Variants in PRICKLE2 observed in about 807,000 individuals in gnomAD.
PRICKLE2 encodes the protein prickle planar cell polarity protein 2, also known as prickle-like protein 2.
In PRICKLE2, 21 loss-of-function variants were observed where a neutral mutation model predicts 81.4. That is an observed-to-expected ratio of 0.26 (90% confidence interval 0.18 to 0.37). The LOEUF (loss-of-function observed/expected upper bound fraction) is 0.37, where lower values mean the gene tolerates loss of function less well. PRICKLE2 is among the 10% of genes least tolerant of loss of function. PRICKLE2 has a pLI of 1.00. For synonymous variants in PRICKLE2, 456 were observed against 421.5 expected (o/e 1.08, Z -1.00); for missense variants, 940 against 1,109.0 (o/e 0.85, Z 2.16).
intron 7 of PRICKLE2, among the ~76,000 whole-genome samples, chr3:64,124,730 T>C (rs1474344717): frequency 6.6e-6 from 1 of 152,224 alleles, no homozygotes; most frequent in Non-Finnish European, 1.5e-5. Flanking sequence ...AAGCCCACTG[T>C]TGAGACCTAC....
chr3:64,217,865 A>G (rs538559301), intron 1 of PRICKLE2, among the ~76,000 whole-genome samples: 1 of 152,340 alleles, frequency 6.6e-6, no homozygotes, highest in African/African-American at 2.4e-5. Context: ...TAAAGTCCAA[A>G]CAGCCTGGTG....
intron 7 of PRICKLE2, among the ~76,000 whole-genome samples, chr3:64,134,571 C>G (rs1289670231): frequency 6.7e-6 from 1 of 148,304 alleles, no homozygotes; most frequent in African/African-American, 2.5e-5. Flanking sequence ...TACCAGACGC[C>G]TGTAGTGTCC....
At chr3:64,221,016 C>T (rs748212041) in intron 1 of PRICKLE2, among the ~76,000 whole-genome samples, 2 of 152,106 alleles carry the variant, frequency 1.3e-5, no homozygotes, top group Admixed American at 6.5e-5. Context: ...AAAATGGCTT[C>T]GCTGTGAGTT....
intron 1 of PRICKLE2, chr3:64,199,184 C>G: frequency 1.6e-6 from 1 of 608,128 alleles, no homozygotes; most frequent in Non-Finnish European, 2.9e-6. Flanking sequence ...CAGAGGCCAC[C>G]AGGTAAGCAT....
intron 2 of PRICKLE2, among the ~76,000 whole-genome samples, chr3:64,233,587 G>C (rs541191340): frequency 1.3e-3 from 202 of 152,258 alleles, no homozygotes; most frequent in African/African-American, 4.8e-3. Flanking sequence ...CTTGGTGAGG[G>C]CTAAGTCTTA....
chr3:64,111,427 T>G (rs972219742), intron 7 of PRICKLE2, among the ~76,000 whole-genome samples: 9 of 152,300 alleles, frequency 5.9e-5, no homozygotes, highest in South Asian at 2.1e-4. Flanking sequence ...TCCCACCTCC[T>G]GCCTTTTATT....
chr3:64,141,432 T>C (rs2077360270), intron 7 of PRICKLE2, among the ~76,000 whole-genome samples: 1 of 152,232 alleles, frequency 6.6e-6, no homozygotes, highest in South Asian at 2.1e-4. Flanking sequence ...TAGAAAAACA[T>C]CCAGTCCATA....
At chr3:64,217,238 C>T (rs2078886326) in intron 1 of PRICKLE2, among the ~76,000 whole-genome samples, 2 of 151,776 alleles carry the variant, frequency 1.3e-5, no homozygotes, top group South Asian at 2.1e-4. Context: ...GGGACAGGAG[C>T]CCTAAGGTAT....
At chr3:64,207,298 C>G (rs551245405) in intron 1 of PRICKLE2, among the ~76,000 whole-genome samples, 1 of 152,250 alleles carries the variant, frequency 6.6e-6, no homozygotes, top group Non-Finnish European at 1.5e-5. Flanking sequence ...AAGCAATATA[C>G]AACTATACAA....
chr3:64,204,942 T>A (rs1043950962), intron 1 of PRICKLE2, among the ~76,000 whole-genome samples: 1 of 152,058 alleles, frequency 6.6e-6, no homozygotes, highest in Non-Finnish European at 1.5e-5. Context: ...TTTGGCAAAA[T>A]GCACACAGCA....
chr3:64,263,933 C>T (rs1180382787), intron 2 of PRICKLE2, among the ~76,000 whole-genome samples: 1 of 152,108 alleles, frequency 6.6e-6, no homozygotes, highest in African/African-American at 2.4e-5. Context: ...AAATGGGGAC[C>T]TCATGGACTG....
At chr3:64,214,800 G>A (rs766279738) in intron 1 of PRICKLE2, among the ~76,000 whole-genome samples, 7 of 152,094 alleles carry the variant, frequency 4.6e-5, no homozygotes, top group East Asian at 1.9e-4. Flanking sequence ...CCCGCACTGC[G>A]TCCCAAGCCT....
At position 64,254,290 on chromosome 3, in the gene PRICKLE2, T is replaced by C. The variant is rs528622271; in HGVS notation, c.129-55323A>G. ...AACACACAGCCAGGTTTAGATAAAT[T>C]GAAGTCAGGAATACAGTGGAAAGAG... On this transcript the variant is annotated intron_variant, in intron 2 of 8. Transcript: ENST00000295902. Among the ~76,000 whole-genome samples, 22 of 152,284 alleles carry C rather than the reference T, an allele frequency of 1.4e-4. 1 individual carries two copies. The highest frequency in any genetic ancestry group is 6.8e-3 in the Middle Eastern group (2 of 294).
intron 2 of PRICKLE2, among the ~76,000 whole-genome samples, chr3:64,234,558 T>A (rs1431344784): frequency 6.6e-6 from 1 of 152,210 alleles, no homozygotes; most frequent in Admixed American, 6.5e-5. Flanking sequence ...TCTGGGAACA[T>A]GTCCCTTATT....
chr3:64,218,971 A>C (rs2078911615), intron 1 of PRICKLE2, among the ~76,000 whole-genome samples: 2 of 152,156 alleles, frequency 1.3e-5, no homozygotes, highest in African/African-American at 2.4e-5. Context: ...AGCTTCTGAA[A>C]GTGAACGAGC....
At chr3:64,117,639 G>A (rs1330592013) in intron 7 of PRICKLE2, among the ~76,000 whole-genome samples, 1 of 152,038 alleles carries the variant, frequency 6.6e-6, no homozygotes, top group East Asian at 1.9e-4. Context: ...GAATACAGCT[G>A]ACTAGGGAGG....
intron 2 of PRICKLE2, among the ~76,000 whole-genome samples, chr3:64,251,076 T>C (rs1048521431): frequency 4.6e-5 from 7 of 152,216 alleles, no homozygotes; most frequent in African/African-American, 1.2e-4. Context: ...TGTGCACATG[T>C]TGGATATGCA....
intron 2 of PRICKLE2, among the ~76,000 whole-genome samples, chr3:64,191,842 G>T (rs2078347545): frequency 6.6e-6 from 1 of 152,168 alleles, no homozygotes; most frequent in African/African-American, 2.4e-5. Flanking sequence ...CTCATGCCAT[G>T]GCTCCCACTG....
intron 2 of PRICKLE2, among the ~76,000 whole-genome samples, chr3:64,188,290 T>C (rs149651873): frequency 5.4e-4 from 82 of 152,360 alleles, no homozygotes; most frequent in African/African-American, 1.9e-3. Flanking sequence ...AGAAAACTGA[T>C]GCTTGAGATG....
Sources: gnomAD v4.1 joint callset for allele counts (sites outside exome capture counted in the v4.1 genomes callset) on GRCh38, gnomAD v4.1.1 for gene constraint, MANE v1.5 for transcripts, NCBI Gene and HGNC (gene_info 2026-07-23, HGNC 2026-07-21) for gene names.